The following AK5 variants were observed in gnomAD, a reference collection of about 807,000 sequenced individuals.
AK5 encodes adenylate kinase 5.
A neutral mutation model predicts 69.5 loss-of-function variants in AK5; 27 were observed. That is an observed-to-expected ratio of 0.39 (90% CI 0.29 to 0.54). The LOEUF is 0.54. Among genes scored for constraint, AK5 ranks in the 20% least tolerant of loss-of-function variants. AK5 has a pLI of 0.71. For missense variants in AK5, 531 were observed against 700.4 expected (o/e 0.76, Z 2.73); for synonymous variants, 260 against 244.4 (o/e 1.06, Z -0.60).
At chr1:77,530,566 A>C (rs542974687) in intron 12 of AK5, among the ~76,000 whole-genome samples, 13 of 152,228 alleles carry the variant, frequency 8.5e-5, no homozygotes, top group Non-Finnish European at 1.6e-4. Flanking sequence ...GATACTTTAC[A>C]GGTCAAAAGG....
intron 13 of AK5, among the ~76,000 whole-genome samples, chr1:77,545,979 T>C (rs1659525340): frequency 6.6e-6 from 1 of 152,308 alleles, no homozygotes; most frequent in Admixed American, 6.5e-5. Context: ...AAGAGACTTT[T>C]TCTTTATGAC....
rs762115751 is a variant in AK5, at chr1:77,297,619, A to G, written c.476A>G (p.Gln159Arg). 8 of 1,613,942 alleles carry G rather than the reference A, an allele frequency of 5.0e-6. No individual in the cohort carries two copies. In the South Asian group the frequency reaches 5.5e-5, roughly 11 times the overall value. The change falls in exon 4 of 14, where the codon CAA becomes CGA. Residue 159 changes from glutamine to arginine, a missense_variant. Physicochemically the swap from Gln to Arg is conservative, Grantham distance 43 (BLOSUM62 1). Coordinates refer to ENST00000354567, the MANE Select transcript of AK5 (RefSeq NM_174858.3). ...AAAATTGCAGAACGATATGGATTCC[A>G]ATACATTTCTGTGGGAGAATTATTA... Reference protein sequence around the residue: ...SLKIAERYGFQYISVGELLRK... With the variant: ...SLKIAERYGFRYISVGELLRK...
chr1:77,376,454 A>T (rs951949940), intron 6 of AK5, among the ~76,000 whole-genome samples: 1 of 144,972 alleles, frequency 6.9e-6, no homozygotes. Context: ...AAAAAAACAA[A>T]AAAAAAAAAC....
chr1:77,470,820 A>G (rs1279489629), intron 8 of AK5, among the ~76,000 whole-genome samples: 7 of 112,160 alleles, frequency 6.2e-5, no homozygotes, highest in Middle Eastern at 6.5e-3. Context: ...TTAATGGCAC[A>G]TTTAGAATAT....
Position 77,357,946 on chromosome 1 carries a change from A to C in AK5, c.891+17378A>C, listed in dbSNP as rs17100430. Among the ~76,000 whole-genome samples the C allele has an allele frequency of 7.1e-3, 1,076 of 151,102 alleles. 11 individuals carry two copies. Among genetic ancestry groups the C allele is most frequent in the African/African-American group, 0.025 (1,013 of 41,166 alleles). ...TTCTGTTTTTAGTTCTTTCTATCTA[A>C]AAATCTTACAGTTCCTTTTTAAAAC... On this transcript the variant is annotated intron_variant, in intron 6 of 13. Transcript: ENST00000354567.
chr1:77,518,279 C>T (rs1163323861), intron 10 of AK5, among the ~76,000 whole-genome samples: 1 of 152,206 alleles, frequency 6.6e-6, no homozygotes, highest in Non-Finnish European at 1.5e-5. Context: ...CACTAACTGC[C>T]TGTGACCATG....
intron 4 of AK5, 30 bp from the exon 5 acceptor site, chr1:77,297,803 GT>G (rs758353899): frequency 3.1e-6 from 5 of 1,605,256 alleles, no homozygotes; most frequent in African/African-American, 2.7e-5. Flanking sequence ...TAACTGTGGG[GT>G]TTTTTTGTCA....
Position 77,558,685 on chromosome 1 carries a change from G to A in AK5, c.*15G>A. The A allele has an allele frequency of 6.8e-7, 1 of 1,468,942 alleles. No individual in the cohort carries two copies. The highest frequency in any genetic ancestry group is 9.3e-7 in the Non-Finnish European group (1 of 1,070,204). 91.0% of individuals were successfully genotyped at this position (1,468,942 alleles called of 1,614,324 possible). A position where few individuals can be genotyped will look rare whatever the true frequency, so the allele number is the denominator to read the frequency against. On this transcript the variant is annotated 3_prime_UTR_variant, in exon 14 of 14. Coordinates refer to ENST00000354567, the MANE Select transcript of AK5 (RefSeq NM_174858.3). Reference sequence around the variant, plus strand: ...CTATTTTCTGAAGGCAAAAATGCATGTTTGTTAGAATGGAAACAGAAAAAC... The same window carrying A: ...CTATTTTCTGAAGGCAAAAATGCATATTTGTTAGAATGGAAACAGAAAAAC...
intron 3 of AK5, among the ~76,000 whole-genome samples, chr1:77,295,745 G>A (rs12079316): frequency 0.1 from 15,350 of 152,126 alleles, 967 homozygotes; most frequent in South Asian, 0.2. Context: ...ATGGAAGCTC[G>A]ATTGTTCATG....
At chr1:77,381,110 T>C (rs1194710119) in intron 6 of AK5, among the ~76,000 whole-genome samples, 1 of 152,158 alleles carries the variant, frequency 6.6e-6, no homozygotes, top group Non-Finnish European at 1.5e-5. Context: ...AATTTGTACA[T>C]TGGAACCTAG....
At chr1:77,413,671 A>G (rs1201329854) in intron 7 of AK5, among the ~76,000 whole-genome samples, 1 of 152,196 alleles carries the variant, frequency 6.6e-6, no homozygotes, top group Non-Finnish European at 1.5e-5. Context: ...TCTGTATGCA[A>G]AGTATGTGGT....
intron 10 of AK5, 130 bp from the exon 11 acceptor site, chr1:77,518,434 T>G (rs113344632): frequency 5.5e-6 from 5 of 911,762 alleles, no homozygotes; most frequent in African/African-American, 3.3e-5. Flanking sequence ...CAGCTCCTGG[T>G]ATAGCAAATC....
chr1:77,287,199 A>G (rs1658407198), intron 2 of AK5, 72 bp downstream of exon 2: 8 of 1,083,926 alleles, frequency 7.4e-6, no homozygotes, highest in South Asian at 7.7e-5. Flanking sequence ...CATATAGACT[A>G]TACACAGTGA....
At position 77,519,311 on chromosome 1, in the gene AK5, GCTGT is replaced by G. The variant is rs1435752124; in HGVS notation, c.1311+588_1311+591del. Among the ~76,000 whole-genome samples, 4 of 152,256 alleles carry G rather than the reference GCTGT, an allele frequency of 2.6e-5. No homozygotes were observed. In the East Asian group the frequency reaches 7.7e-4, roughly 29 times the overall value. On this transcript the variant is annotated intron_variant, in intron 11 of 13. Transcript: ENST00000354567. ...TGATACAGTCTCTGTTAGCAACAGAGCTGTCTGATTTCTCTATAACCAGCTGCAC... is the reference window on the plus strand; with the variant it reads ...TGATACAGTCTCTGTTAGCAACAGAGCTGATTTCTCTATAACCAGCTGCAC...
In AK5 at chr1:77,346,761, G is replaced by C. The variant is rs563005527; in HGVS notation, c.891+6193G>C. On this transcript the variant is annotated intron_variant, in intron 6 of 13. Transcript: ENST00000354567. Reference sequence around the variant, plus strand: ...AATCCACCCACCTCAGCCTCCCAAAGTGCTGGGACTACAGGATGAGCCACC... The same window carrying C: ...AATCCACCCACCTCAGCCTCCCAAACTGCTGGGACTACAGGATGAGCCACC... Among the ~76,000 whole-genome samples, 3 of 152,192 alleles carry C rather than the reference G, an allele frequency of 2.0e-5. No individual in the cohort carries two copies. In the South Asian group the frequency reaches 6.2e-4, roughly 32 times the overall value.
intron 10 of AK5, among the ~76,000 whole-genome samples, chr1:77,509,429 A>G (rs1200762740): frequency 6.6e-6 from 1 of 152,210 alleles, no homozygotes; most frequent in Non-Finnish European, 1.5e-5. Context: ...AGCTTGGCAC[A>G]GTGATGCAGC....
chr1:77,367,589 T>TTATATATATATGTTATATATATGTTATA (rs374382779), intron 6 of AK5, among the ~76,000 whole-genome samples: 5 of 43,590 alleles, frequency 1.1e-4, no homozygotes, highest in African/African-American at 4.0e-4. Context: ...AATATATATG[T>TTATATATATATGTTATATATATGTTATA]TATATATGTA....
At chr1:77,411,613 C>G (rs911520448) in intron 7 of AK5, among the ~76,000 whole-genome samples, 1 of 152,092 alleles carries the variant, frequency 6.6e-6, no homozygotes, top group Non-Finnish European at 1.5e-5. Context: ...TCCTGACCCC[C>G]CTCTCATTCT....
chr1:77,477,838 C>T (rs1248214796), intron 8 of AK5, among the ~76,000 whole-genome samples: 1 of 152,158 alleles, frequency 6.6e-6, no homozygotes, highest in Non-Finnish European at 1.5e-5. Context: ...TACCATGAAA[C>T]ACACATGCTG....
Sources: gnomAD v4.1 joint callset for allele counts (sites outside exome capture counted in the v4.1 genomes callset) on GRCh38, gnomAD v4.1.1 for gene constraint, MANE v1.5 for transcripts, NCBI Gene and HGNC (gene_info 2026-07-23, HGNC 2026-07-21) for gene names.